NCAPG: variants seen among roughly 807,000 people sequenced by gnomAD.
NCAPG encodes condensin complex subunit 3.
In NCAPG, 69 loss-of-function variants were observed where a neutral mutation model predicts 113.1. That is an observed-to-expected ratio of 0.61 (90% CI 0.50 to 0.75). The LOEUF (loss-of-function observed/expected upper bound fraction) is 0.75, where lower values mean the gene tolerates loss of function less well. Among genes scored for constraint, NCAPG ranks in the 30% least tolerant of loss-of-function variants. NCAPG has a pLI of 0.00. For missense variants in NCAPG, 1,058 were observed against 1,177.0 expected, an observed-to-expected ratio of 0.90 and a Z score of 1.48; for synonymous variants, 370 against 415.8, an observed-to-expected ratio of 0.89 and a Z score of 1.34.
Position 17,811,014 on chromosome 4 carries a change from G to C in NCAPG, c.-64G>C. 3 of 1,024,240 alleles carry C rather than the reference G, an allele frequency of 2.9e-6. No homozygotes were observed. The highest frequency in any genetic ancestry group is 4.1e-6 in the Non-Finnish European group (3 of 726,980). The allele number at this position is 1,024,240 out of a possible 1,614,324, so 63.4% of individuals were successfully genotyped here. ...ACTACTCGGAGAGCGCTGCCTCTGGGTTGGCGGGCTGGCAGGCTGTAGCCG... is the reference window on the plus strand; with the variant it reads ...ACTACTCGGAGAGCGCTGCCTCTGGCTTGGCGGGCTGGCAGGCTGTAGCCG... On this transcript the variant is annotated 5_prime_UTR_variant, in exon 1 of 21. Transcript: ENST00000251496. The surrounding 1 kb of genome is among the most constrained non-coding windows in gnomAD (Gnocchi z 5.3).
chr4:17,820,207 C>G lies in NCAPG; in HGVS notation c.1118+2119C>G, dbSNP rs578191490. On this transcript the variant is annotated intron_variant, in intron 7 of 20. Transcript: ENST00000251496. ...AGGTGACTTGTAAAAAGCTTGATTC[C>G]TCCCTTCTGAAAGGTCAGGGATTAA... 2.6e-3 allele frequency among the ~76,000 whole-genome samples: 393 copies of G among 152,256 alleles called. 1 individual carries two copies. The highest frequency in any genetic ancestry group is 2.8e-3 in the Non-Finnish European group (190 of 68,012).
chr4:17,816,900 C>T (rs1343836634), intron 5 of NCAPG, among the ~76,000 whole-genome samples: 2 of 152,164 alleles, frequency 1.3e-5, no homozygotes, highest in East Asian at 3.9e-4. Context: ...TTTTGGAGGC[C>T]GAGGCAGGCG....
intron 9 of NCAPG, 26 bp from the exon 10 acceptor site, chr4:17,824,942 T>C (rs758265187): frequency 6.5e-7 from 1 of 1,530,058 alleles, no homozygotes; most frequent in East Asian, 2.3e-5. Context: ...CAAACATATA[T>C]TAAAGCATGT....
chr4:17,837,649 G>A lies in NCAPG; in HGVS notation c.2314G>A (p.Glu772Lys), dbSNP rs373602347. ...TAGGACTAATCAGGAATGCTTTGAA[G>A]AAGCTTTTCTTCCAACCCTGCAAAC... ...ASRTNQECFE[E>K]AFLPTLQTLA... is the part of the protein sequence containing the mutation. The change falls in exon 16 of 21, where the codon GAA becomes AAA. Residue 772 changes from glutamate (E) to lysine (K), a missense_variant. Transcript: ENST00000251496. The A allele has an allele frequency of 1.2e-6, 2 of 1,613,660 alleles. No homozygotes were observed. The highest frequency in any genetic ancestry group is 1.7e-6 in the Non-Finnish European group (2 of 1,179,850).
rs776712384 is a variant in NCAPG at position 17,840,062 on chromosome 4, C to A, written c.2629-9C>A. 114 of 1,592,638 alleles carry A rather than the reference C, an allele frequency of 7.2e-5. No individual in the cohort carries two copies. Among genetic ancestry groups the A allele is most frequent in the Non-Finnish European group, 9.5e-5 (111 of 1,172,724 alleles). On this transcript the variant is annotated splice_polypyrimidine_tract_variant and intron_variant, in intron 17 of 20. Coordinates refer to ENST00000251496, the MANE Select transcript of NCAPG (RefSeq NM_022346.5). ...GTTTACAAAATGTTAATAATGTTTT[C>A]TTTTATAGCAAGTAAAAGATAGGAC...
At chr4:17,831,734 A>G (rs1244396193) in intron 13 of NCAPG, among the ~76,000 whole-genome samples, 1 of 152,190 alleles carries the variant, frequency 6.6e-6, no homozygotes, top group Admixed American at 6.5e-5. Context: ...CATGGCTAGG[A>G]AAGATTGAGC....
chr4:17,817,584 C>A, intron 6 of NCAPG, 131 bp downstream of exon 6: 1 of 731,984 alleles, frequency 1.4e-6, no homozygotes, highest in Non-Finnish European at 2.2e-6. Flanking sequence ...TTCTTTTAGT[C>A]TGATGAATAT....
At chr4:17,838,358 T>A (rs1343305666) in intron 16 of NCAPG, among the ~76,000 whole-genome samples, 1 of 152,242 alleles carries the variant, frequency 6.6e-6, no homozygotes, top group Non-Finnish European at 1.5e-5. Context: ...TACTCTATTT[T>A]ATTTGATATT....
chr4:17,822,947 T>C, intron 7 of NCAPG, 36 bp from the exon 8 acceptor site: 1 of 1,532,434 alleles, frequency 6.5e-7, no homozygotes, highest in Non-Finnish European at 8.8e-7. Flanking sequence ...TGATGTTTCT[T>C]AAAAGATTCT....
intron 7 of NCAPG, among the ~76,000 whole-genome samples, chr4:17,822,058 A>G (rs1721477751): frequency 6.6e-6 from 1 of 152,130 alleles, no homozygotes; most frequent in Non-Finnish European, 1.5e-5. Flanking sequence ...AGAATAATAA[A>G]AATTTGTGAA....
Position 17,844,314 on chromosome 4 carries a change from ACC to A in NCAPG, c.*891_*892del, listed in dbSNP as rs367841586. ...TGAAATTGGTCCTCTTTTCTGCAAT[ACC>A]CAACGAAACACCTTTTCTCTTTATT... On this transcript the variant is annotated 3_prime_UTR_variant, in exon 21 of 21. Transcript: ENST00000251496. 92 of 152,458 alleles carry A rather than the reference ACC, an allele frequency of 6.0e-4. 1 individual carries two copies. The highest frequency in any genetic ancestry group is 2.1e-3 in the African/African-American group (89 of 41,550). 9.4% of individuals were successfully genotyped at this position (152,458 alleles called of 1,614,324 possible). A position where few individuals can be genotyped will look rare whatever the true frequency, so the allele number is the denominator to read the frequency against.
chr4:17,815,738 G>A (rs969313196), intron 5 of NCAPG, among the ~76,000 whole-genome samples: 3 of 152,094 alleles, frequency 2.0e-5, no homozygotes, highest in African/African-American at 7.2e-5. Context: ...TGGCCAGACT[G>A]GTCTCGAACT....
Position 17,814,910 on chromosome 4 carries a change from C to G in NCAPG, c.602C>G (p.Ser201Ter). The change falls in exon 4 of 21, where the codon TCA becomes TGA. Residue 201 changes from serine to a stop codon, truncating the protein, a stop_gained. Transcript: ENST00000251496. LOFTEE classifies it high-confidence loss of function. Reference sequence around the variant, plus strand: ...CCAGAAGTTAGACGGGCAGTGTTATCATGTATTGCACCATCAGCAAAGACT... The same window carrying G: ...CCAGAAGTTAGACGGGCAGTGTTATGATGTATTGCACCATCAGCAAAGACT... ...SNPEVRRAVL[S>*]CIAPSAKTLP... 6.2e-7 allele frequency: 1 copy of G among 1,614,154 alleles called. No individual in the cohort carries two copies. Among genetic ancestry groups the G allele is most frequent in the Non-Finnish European group, 8.5e-7 (1 of 1,180,016 alleles).
intron 7 of NCAPG, among the ~76,000 whole-genome samples, chr4:17,822,638 G>A (rs1479838457): frequency 6.6e-6 from 1 of 152,056 alleles, no homozygotes; most frequent in Non-Finnish European, 1.5e-5. Flanking sequence ...ATTGTAAGTT[G>A]GGCCACCTGT....
At chr4:17,837,027 C>A in intron 14 of NCAPG, 132 bp from the exon 15 acceptor site, 1 of 682,188 alleles carries the variant, frequency 1.5e-6, no homozygotes, top group Non-Finnish European at 2.3e-6. Flanking sequence ...TTTTTATTTG[C>A]CTTTAAAGAA....
In NCAPG at chr4:17,817,360, ATTC is replaced by A. The variant is rs758795893; in HGVS notation, c.880_882del (p.Ser294del). 18 of 1,614,012 alleles carry A rather than the reference ATTC, an allele frequency of 1.1e-5. No individual in the cohort carries two copies. Among genetic ancestry groups the A allele is most frequent in the Non-Finnish European group, 1.4e-5 (17 of 1,180,002 alleles). On this transcript the variant is annotated inframe_deletion, in exon 6 of 21. Coordinates refer to ENST00000251496, the MANE Select transcript of NCAPG (RefSeq NM_022346.5). The stretch of plus-strand genomic sequence containing the variant: ...TTGCTCCATCGGTTGGATGTAGAAA[ATTC>A]TTCTGAAGTGGCAGTCTCTGTTCTC...
At position 17,828,303 on chromosome 4, in the gene NCAPG, G is replaced by A; in HGVS notation, c.1679G>A (p.Cys560Tyr). 1 of 1,610,078 alleles carries A rather than the reference G, an allele frequency of 6.2e-7. No homozygotes were observed. The highest frequency in any genetic ancestry group is 8.5e-7 in the Non-Finnish European group (1 of 1,177,834). ...AATGATGCTGAAACATTGCAGAAAT[G>A]TCTTATTTTATGCTATGAACTGTTG... ...EKNDAETLQK[C>Y]LILCYELLKQ... Residue 560 changes from cysteine (C) to tyrosine (Y), a missense_variant, in exon 12 of 21, where the codon TGT (cysteine) becomes TAT (tyrosine). By Grantham distance (194) the Cys-to-Tyr change is radical. Transcript: ENST00000251496.
At chr4:17,822,359 T>C (rs975056696) in intron 7 of NCAPG, among the ~76,000 whole-genome samples, 1 of 151,934 alleles carries the variant, frequency 6.6e-6, no homozygotes, top group Admixed American at 6.6e-5. Context: ...CTGGCTAATT[T>C]TTTTGTACTT....
At chr4:17,822,820 T>C (rs1721511188) in intron 7 of NCAPG, among the ~76,000 whole-genome samples, 163 bp from the exon 8 acceptor site, 1 of 152,228 alleles carries the variant, frequency 6.6e-6, no homozygotes, top group Admixed American at 6.5e-5. Flanking sequence ...CAAAAGTTAA[T>C]GACAGTGGCA....
Sources: gnomAD v4.1 joint callset for allele counts (sites outside exome capture counted in the v4.1 genomes callset) on GRCh38, gnomAD v4.1.1 for gene constraint, Gnocchi (gnomAD v3.1) non-coding constraint, MANE v1.5 for transcripts, NCBI Gene and HGNC (gene_info 2026-07-23, HGNC 2026-07-21) for gene names.